CPNE1: variants seen among roughly 807,000 people sequenced by gnomAD.
CPNE1 encodes the protein copine 1.
Under a neutral mutation model 63.2 loss-of-function variants are expected in CPNE1, and 58 were observed. The ratio of observed to expected loss-of-function variants is 0.92; its 90% confidence interval spans 0.74 to 1.14. The LOEUF (loss-of-function observed/expected upper bound fraction) is 1.14, where lower values mean the gene tolerates loss of function less well. Ranked by LOEUF, CPNE1 falls within the 50% of genes most tolerant of loss-of-function variation. The probability of loss-of-function intolerance (pLI) is 0.00; values close to 1 mark genes in which losing one functional copy is unlikely to be tolerated. For synonymous variants in CPNE1, 237 were observed against 249.0 expected (o/e 0.95, Z 0.45); for missense variants, 672 against 661.7 (o/e 1.02, Z -0.17).
chr20:35,663,363 C>G (rs1243039013), intron 1 of CPNE1, among the ~76,000 whole-genome samples: 1 of 152,220 alleles, frequency 6.6e-6, no homozygotes, highest in Admixed American at 6.5e-5. Context: ...AGGTCCCAGA[C>G]AATTCTTGTT....
At chr20:35,627,032 A>G (rs2031792343) in intron 14 of CPNE1, among the ~76,000 whole-genome samples, 1 of 151,918 alleles carries the variant, frequency 6.6e-6, no homozygotes, top group South Asian at 2.1e-4. Flanking sequence ...TACTAAAAAT[A>G]TAAAAATTAG....
chr20:35,652,405 C>A (rs997849006), intron 1 of CPNE1: 3 of 1,223,600 alleles, frequency 2.5e-6, no homozygotes, highest in African/African-American at 3.0e-5. Context: ...GTTATGGAAA[C>A]CAAGCTATAT....
chr20:35,652,446 G>A, intron 1 of CPNE1: 1 of 1,479,742 alleles, frequency 6.8e-7, no homozygotes, highest in East Asian at 2.3e-5. Context: ...GTTCTAACCT[G>A]GAAATACTAG....
chr20:35,657,636 G>A (rs17092945), intron 1 of CPNE1, among the ~76,000 whole-genome samples: 6,427 of 152,262 alleles, frequency 0.042, 157 homozygotes, highest in African/African-American at 0.069. Context: ...GTACACATGA[G>A]AATATGCTAT....
At chr20:35,626,982 GT>G in intron 14 of CPNE1, 179 bp from the exon 15 acceptor site, 1 of 641,752 alleles carries the variant, frequency 1.6e-6, no homozygotes, top group Non-Finnish European at 2.7e-6. Flanking sequence ...GAGGTCAGGA[GT>G]TTGTGACCAC....
intron 1 of CPNE1, 26 bp from the exon 2 acceptor site, chr20:35,632,949 C>T (rs1007774957): frequency 1.2e-5 from 10 of 860,186 alleles, no homozygotes; most frequent in African/African-American, 1.1e-4. Context: ...CTGGGTCAAG[C>T]ACCAGGGAGC....
At chr20:35,661,790 C>T (rs2034243844) in intron 1 of CPNE1, among the ~76,000 whole-genome samples, 1 of 152,218 alleles carries the variant, frequency 6.6e-6, no homozygotes, top group Non-Finnish European at 1.5e-5. Flanking sequence ...ACTATTTTCA[C>T]TCTTCATCTG....
chr20:35,656,806 C>A (rs1355725187), intron 1 of CPNE1, among the ~76,000 whole-genome samples: 2 of 146,904 alleles, frequency 1.4e-5, no homozygotes, highest in African/African-American at 2.4e-5. Flanking sequence ...TGCGCCCCAC[C>A]TGAAAAGTCA....
chr20:35,654,550 C>A (rs2033769812), intron 1 of CPNE1: 2 of 1,614,210 alleles, frequency 1.2e-6, no homozygotes, highest in Non-Finnish European at 1.7e-6. Flanking sequence ...GCCATTCATT[C>A]CAGCAGGTAG....
intron 1 of CPNE1, chr20:35,649,453 T>C (rs1286994559): frequency 6.6e-6 from 1 of 152,552 alleles, no homozygotes; most frequent in Non-Finnish European, 1.5e-5. Context: ...TGGCCTTAAC[T>C]ACACTGAATA....
chr20:35,655,580 A>C (rs1025532251), intron 1 of CPNE1, among the ~76,000 whole-genome samples: 2 of 152,206 alleles, frequency 1.3e-5, no homozygotes, highest in Admixed American at 1.3e-4. Flanking sequence ...CAGTCCCAAG[A>C]CTCAAAAAGT....
intron 13 of CPNE1, among the ~76,000 whole-genome samples, chr20:35,629,532 T>C (rs1568908853): frequency 6.6e-6 from 1 of 152,176 alleles, no homozygotes; most frequent in East Asian, 1.9e-4. Context: ...GGAGAACACT[T>C]AGTAAGTACC....
chr20:35,633,510 G>A (rs1389402352), intron 1 of CPNE1, among the ~76,000 whole-genome samples: 1 of 152,170 alleles, frequency 6.6e-6, no homozygotes, highest in Non-Finnish European at 1.5e-5. Context: ...CACTGCTGCT[G>A]CCCAATCTAA....
At chr20:35,633,999 A>C (rs1424017265) in intron 1 of CPNE1, among the ~76,000 whole-genome samples, 1 of 146,814 alleles carries the variant, frequency 6.8e-6, no homozygotes, top group Non-Finnish European at 1.5e-5. Context: ...CGGTGGCTCA[A>C]GCCTGTAATC....
At chr20:35,656,195 T>C (rs764534138) in intron 1 of CPNE1, among the ~76,000 whole-genome samples, 1 of 152,222 alleles carries the variant, frequency 6.6e-6, no homozygotes, top group Non-Finnish European at 1.5e-5. Flanking sequence ...TTTAAAGTAT[T>C]ATTTTCCCCT....
At chr20:35,652,365 T>C in intron 1 of CPNE1, 1 of 769,868 alleles carries the variant, frequency 1.3e-6, no homozygotes, top group Non-Finnish European at 2.0e-6. Context: ...GGTGAGTGAG[T>C]CTTCTGTAAA....
chr20:35,645,809 G>T (rs1036731808), intron 1 of CPNE1, among the ~76,000 whole-genome samples: 1 of 152,180 alleles, frequency 6.6e-6, no homozygotes, highest in African/African-American at 2.4e-5. Flanking sequence ...ATGTATAAAG[G>T]CTGGGCCACT....
chr20:35,660,405 CAG>C (rs1411885398), intron 1 of CPNE1, among the ~76,000 whole-genome samples: 2 of 152,012 alleles, frequency 1.3e-5, no homozygotes, highest in Admixed American at 1.3e-4. Context: ...TTAGTAGAGA[CAG>C]GGGTTTCATT....
chr20:35,631,650 T>C (rs1181051957), intron 7 of CPNE1, 38 bp downstream of exon 7: 1 of 1,609,724 alleles, frequency 6.2e-7, no homozygotes, highest in Non-Finnish European at 8.5e-7. Flanking sequence ...CCAGGTTCTC[T>C]TCTCCAGCGC....
Sources: gnomAD v4.1 joint callset for allele counts (sites outside exome capture counted in the v4.1 genomes callset) on GRCh38, gnomAD v4.1.1 for gene constraint, MANE v1.5 for transcripts, NCBI Gene and HGNC (gene_info 2026-07-23, HGNC 2026-07-21) for gene names.